Variants in CWC25 observed in about 807,000 individuals in gnomAD.
The protein encoded by CWC25 is CWC25 spliceosome associated protein.
In CWC25, 31 loss-of-function variants were observed where a neutral mutation model predicts 54.6. The ratio of observed to expected loss-of-function variants is 0.57; its 90% confidence interval spans 0.43 to 0.77. CWC25 has a LOEUF of 0.77. CWC25 is among the 30% of genes least tolerant of loss of function. CWC25 has a pLI of 0.00. For missense variants in CWC25, 453 were observed against 529.3 expected, an observed-to-expected ratio of 0.86 and a Z score of 1.41; for synonymous variants, 151 against 187.0, an observed-to-expected ratio of 0.81 and a Z score of 1.57.
chr17:38,821,707 T>G (rs1212213164), intron 1 of CWC25, among the ~76,000 whole-genome samples: 1 of 151,970 alleles, frequency 6.6e-6, no homozygotes, highest in Non-Finnish European at 1.5e-5. Context: ...ACAGGAGGAA[T>G]GCAGTAATGA....
chr17:38,803,816 T>C (rs983897873), intron 8 of CWC25, among the ~76,000 whole-genome samples: 1 of 151,744 alleles, frequency 6.6e-6, no homozygotes, highest in South Asian at 2.1e-4. Flanking sequence ...GGCAGGAGGA[T>C]TGCTTGAGTC....
chr17:38,814,852 C>G lies in CWC25; in HGVS notation c.428+9G>C, dbSNP rs759073747. The stretch of plus-strand genomic sequence containing the variant: ...GTAACAAACCCCCTTCCTAGCCCCC[C>G]ATTAGTACCTGATGATGAAGAGTGG... On this transcript the variant is annotated intron_variant, in intron 3 of 9. Transcript: ENST00000614790. 10 of 1,606,618 alleles carry G rather than the reference C, an allele frequency of 6.2e-6. No individual in the cohort carries two copies. Among genetic ancestry groups the G allele is most frequent in the East Asian group, 2.2e-5 (1 of 44,762 alleles).
intron 8 of CWC25, among the ~76,000 whole-genome samples, chr17:38,803,262 G>A (rs1173034448): frequency 6.6e-6 from 1 of 152,190 alleles, no homozygotes; most frequent in Non-Finnish European, 1.5e-5. Context: ...AGAAATTCAT[G>A]ACACAGCCCA....
In CWC25 at chr17:38,802,790, T is replaced by C; in HGVS notation, c.1073A>G (p.Glu358Gly). 6.2e-7 allele frequency: 1 copy of C among 1,614,008 alleles called. No homozygotes were observed. The highest frequency in any genetic ancestry group is 8.5e-7 in the Non-Finnish European group (1 of 1,179,880). The change falls in exon 9 of 10, where the codon GAG (glutamate) becomes GGG (glycine). Residue 358 changes from glutamate (E) to glycine (G), a missense_variant. Coordinates refer to ENST00000614790, the MANE Select transcript of CWC25 (RefSeq NM_017748.5). Reference sequence around the variant, plus strand: ...ATGCCTCTTGAGGATGTTCAGTCTCTCCTCCTCCCTCCATTTGGCGTTTTC... The same window carrying C: ...ATGCCTCTTGAGGATGTTCAGTCTCCCCTCCTCCCTCCATTTGGCGTTTTC... ...MMENAKWREE[E>G]RLNILKRHAK...
At position 38,801,203 on chromosome 17, in the gene CWC25, C is replaced by T. The variant is rs1342264344; in HGVS notation, c.*889G>A. The stretch of plus-strand genomic sequence containing the variant: ...AGTGAAGCCGCAAAATAAAAACTTC[C>T]ATTTTATTTTCCTTTAGGAGCCATG... On this transcript the variant is annotated 3_prime_UTR_variant, in exon 10 of 10. Coordinates refer to ENST00000614790, the MANE Select transcript of CWC25 (RefSeq NM_017748.5). The T allele has an allele frequency of 6.6e-6, 1 of 152,022 alleles. No individual in the cohort carries two copies. The highest frequency in any genetic ancestry group is 1.5e-5 in the Non-Finnish European group (1 of 68,000). 9.4% of individuals were successfully genotyped at this position (152,022 alleles called of 1,614,324 possible). A position where few individuals can be genotyped will look rare whatever the true frequency, so the allele number is the denominator to read the frequency against.
At chr17:38,821,769 T>G (rs1192731948) in intron 1 of CWC25, among the ~76,000 whole-genome samples, 1 of 147,634 alleles carries the variant, frequency 6.8e-6, no homozygotes, top group Non-Finnish European at 1.5e-5. Context: ...CTTCTGACAG[T>G]GGACATTCAT....
chr17:38,805,850 T>C (rs1911215758), intron 8 of CWC25, among the ~76,000 whole-genome samples: 1 of 152,008 alleles, frequency 6.6e-6, no homozygotes, highest in Non-Finnish European at 1.5e-5. Context: ...TCTTGCACTG[T>C]CGCCTGGGCT....
intron 8 of CWC25, among the ~76,000 whole-genome samples, chr17:38,805,792 T>G (rs1447434854): frequency 6.6e-6 from 1 of 151,944 alleles, no homozygotes. Flanking sequence ...GACTGCTGTG[T>G]CTGGCTTGGT....
intron 8 of CWC25, among the ~76,000 whole-genome samples, chr17:38,805,236 C>G (rs575375793): frequency 6.6e-6 from 1 of 151,870 alleles, no homozygotes; most frequent in East Asian, 1.9e-4. Flanking sequence ...GATTGTGGCA[C>G]TGCACTCCAG....
At chr17:38,807,140 T>C (rs1911282048) in intron 6 of CWC25, among the ~76,000 whole-genome samples, 164 bp from the exon 7 acceptor site, 1 of 151,734 alleles carries the variant, frequency 6.6e-6, no homozygotes, top group South Asian at 2.1e-4. Context: ...CTGGCCAACA[T>C]GGTGAAACCC....
At chr17:38,803,741 A>C (rs1293994338) in intron 8 of CWC25, among the ~76,000 whole-genome samples, 2 of 150,824 alleles carry the variant, frequency 1.3e-5, no homozygotes, top group Non-Finnish European at 3.0e-5. Context: ...CTTAAAAAAA[A>C]AAAACAAAAA....
intron 2 of CWC25, among the ~76,000 whole-genome samples, chr17:38,818,457 T>G (rs1265078887): frequency 6.7e-6 from 1 of 150,346 alleles, no homozygotes; most frequent in African/African-American, 2.4e-5. Flanking sequence ...CCGGGCGTGG[T>G]GGCGGGCGCC....
chr17:38,804,826 C>T lies in CWC25; in HGVS notation c.1001+1471G>A, dbSNP rs1345888358. On this transcript the variant is annotated intron_variant, in intron 8 of 9. Coordinates refer to ENST00000614790, the MANE Select transcript of CWC25 (RefSeq NM_017748.5). The stretch of plus-strand genomic sequence containing the variant: ...AAAAAAAAAAAAAAAAAAAAGGAAG[C>T]CCGGGCGTGGTGGCTCACGCCTGTA... Among the ~76,000 whole-genome samples, 5 of 135,570 alleles carry T rather than the reference C, an allele frequency of 3.7e-5. No homozygotes were observed. In the South Asian group the frequency reaches 9.6e-4, roughly 26 times the overall value. 88.9% of individuals were successfully genotyped at this position (135,570 alleles called of 152,430 possible). A position where few individuals can be genotyped will look rare whatever the true frequency, so the allele number is the denominator to read the frequency against.
chr17:38,816,179 C>T (rs899706741), intron 2 of CWC25, among the ~76,000 whole-genome samples: 2 of 152,154 alleles, frequency 1.3e-5, no homozygotes, highest in Non-Finnish European at 1.5e-5. Context: ...ACACTGCAAC[C>T]AGGAAAGTAC....
rs1363703186 is a variant in CWC25 at position 38,808,012 on chromosome 17, C to T, written c.691-1036G>A. Among the ~76,000 whole-genome samples, 6 of 131,078 alleles carry T rather than the reference C, an allele frequency of 4.6e-5. 3 individuals carry two copies. The highest frequency in any genetic ancestry group is 5.1e-4 in the South Asian group (2 of 3,912). The allele number at this position is 131,078 out of a possible 152,430, so 86.0% of individuals were successfully genotyped here. ...CAGAGCTTGCAGTGAGCCGAGATGG[C>T]GCCACTGCATTCCAGCCTAGGCGAC... On this transcript the variant is annotated intron_variant, in intron 6 of 9. Transcript: ENST00000614790.
At chr17:38,815,152 AACCT>A in intron 2 of CWC25, 55 bp from the exon 3 acceptor site, 1 of 1,488,698 alleles carries the variant, frequency 6.7e-7, no homozygotes, top group Non-Finnish European at 9.3e-7. Flanking sequence ...GACTTCTGCA[AACCT>A]ACACCTAAAA....
At chr17:38,824,513 C>G (rs228258) in intron 1 of CWC25, among the ~76,000 whole-genome samples, 64,741 of 151,766 alleles carry the variant, frequency 0.43, 15,515 homozygotes, top group African/African-American at 0.66. Context: ...ATGGAGAAAC[C>G]CTGTCTCTAC....
intron 1 of CWC25, among the ~76,000 whole-genome samples, chr17:38,824,618 A>G (rs1912066460): frequency 6.6e-6 from 1 of 151,682 alleles, no homozygotes; most frequent in African/African-American, 2.4e-5. Context: ...CCCAGGAGGG[A>G]AAGGTTGCGG....
rs780395440 is a variant in CWC25, at chr17:38,815,117, A to C, written c.192-20T>G. 6.3e-7 allele frequency: 1 copy of C among 1,598,946 alleles called. No homozygotes were observed. The highest frequency in any genetic ancestry group is 8.5e-7 in the Non-Finnish European group (1 of 1,170,916). On this transcript the variant is annotated intron_variant, in intron 2 of 9. Transcript: ENST00000614790. ...TTTTTCCTGGTTCAAGGGAAGAAAA[A>C]GAAATACAATTTCTTTAAAAAGCAG...
Sources: allele counts gnomAD v4.1 joint callset (sites outside exome capture counted in the v4.1 genomes callset), GRCh38; gene constraint gnomAD v4.1.1; transcripts MANE v1.5; gene names NCBI Gene and HGNC (gene_info 2026-07-23, HGNC 2026-07-21).